The following TP53AIP1 variants were observed in gnomAD, a reference collection of about 807,000 sequenced individuals.
The protein encoded by TP53AIP1 is p53-regulated apoptosis-inducing protein 1.
TP53AIP1 carries 14 observed loss-of-function variants against 9.5 expected under a neutral mutation model. The ratio of observed to expected loss-of-function variants is 1.47; its 90% CI spans 0.97 to 2.30. TP53AIP1 has a LOEUF of 2.30. Among genes scored for constraint, TP53AIP1 ranks in the 30% most tolerant of loss-of-function variants. TP53AIP1 has a pLI of 0.00. For synonymous variants in TP53AIP1, 73 were observed against 61.2 expected, an observed-to-expected ratio of 1.19 and a Z score of -0.90; for missense variants, 153 against 146.7, an observed-to-expected ratio of 1.04 and a Z score of -0.22.
downstream of TP53AIP1, chr11:128,934,827 G>C: frequency 1.7e-6 from 1 of 584,820 alleles, no homozygotes; most frequent in Non-Finnish European, 3.1e-6. Context: ...AGCCAGTGCA[G>C]GTTGTGGCAT....
chr11:128,936,315 T>C lies in TP53AIP1; in HGVS notation c.253+223A>G. The C allele has an allele frequency of 3.7e-6, 5 of 1,336,964 alleles. No homozygotes were observed. In the South Asian group the frequency reaches 5.4e-5, roughly 14 times the overall value. The allele number at this position is 1,336,964 out of a possible 1,614,324, so 82.8% of individuals were successfully genotyped here. On this transcript the variant is annotated intron_variant, in intron 3 of 3. Coordinates refer to ENST00000531399, the MANE Select transcript of TP53AIP1 (RefSeq NM_022112.3). ...ATTAGCTTGGCTGTAGTGACCACTC[T>C]TAAGTGTACCGTTACCTTTTATTTT...
At chr11:128,935,045 C>G, downstream of TP53AIP1, 1 of 703,680 alleles carries the variant, frequency 1.4e-6, no homozygotes, top group African/African-American at 1.7e-5. Context: ...TCTTACTGCA[C>G]TGAAAAACAC....
intron 2 of TP53AIP1, 178 bp from the exon 3 acceptor site, chr11:128,936,827 A>C: frequency 7.0e-7 from 1 of 1,423,006 alleles, no homozygotes; most frequent in Non-Finnish European, 9.1e-7. Flanking sequence ...GGAGGAACAA[A>C]AGGCTCCTCA....
downstream of TP53AIP1, chr11:128,934,872 A>T: frequency 1.6e-6 from 1 of 624,798 alleles, no homozygotes; most frequent in Non-Finnish European, 2.9e-6. Context: ...CCCACTGGGG[A>T]TCCTCGGAAG....
Position 128,937,359 on chromosome 11 carries a change from T to G in TP53AIP1, c.141+319A>C. The G allele has an allele frequency of 7.0e-7, 1 of 1,423,672 alleles. No homozygotes were observed. Among genetic ancestry groups the G allele is most frequent in the Non-Finnish European group, 9.1e-7 (1 of 1,092,992 alleles). The allele number at this position is 1,423,672 out of a possible 1,614,324, so 88.2% of individuals were successfully genotyped here. ...TTCAGCCTCTCCATTTAGCTCTCAC[T>G]TTCTGGATGCAGCCAGGCACCACCT... On this transcript the variant is annotated intron_variant, in intron 2 of 3. Coordinates refer to ENST00000531399, the MANE Select transcript of TP53AIP1 (RefSeq NM_022112.3). The surrounding 1 kb of genome is among the most constrained non-coding windows in gnomAD (Gnocchi z 4.8).
In TP53AIP1 at chr11:128,935,711, G is replaced by T. The variant is rs895539463; in HGVS notation, c.255C>A (p.Gly85=). Residue 85 remains glycine (G), a splice_region_variant and synonymous_variant, in exon 4 of 4, where the codon GGC becomes GGA. Transcript: ENST00000531399. ...AAGGCCTGGAGAGACCTAGACCAAG[G>T]CCTCAGTAGGGAGGGAGAGAATTTA... ...WSSATVWILT[G]LGLGLSRPFL... is the part of the protein sequence containing the mutation. The T allele has an allele frequency of 3.2e-6, 5 of 1,567,504 alleles. No individual in the cohort carries two copies. In the Admixed American group the frequency reaches 5.5e-5, roughly 17 times the overall value.
At chr11:128,942,239 G>C (rs527812722) in intron 1 of TP53AIP1, among the ~76,000 whole-genome samples, 5 of 152,214 alleles carry the variant, frequency 3.3e-5, no homozygotes, top group African/African-American at 4.8e-5. Flanking sequence ...GGCTCCCACA[G>C]CTCGCGTCCT....
rs1022023189 is a variant in TP53AIP1, at chr11:128,939,315, G to T, written c.-76-1421C>A. Among the ~76,000 whole-genome samples, 5 of 152,230 alleles carry T rather than the reference G, an allele frequency of 3.3e-5. No individual in the cohort carries two copies. The highest frequency in any genetic ancestry group is 3.4e-3 in the Middle Eastern group (1 of 294). On this transcript the variant is annotated intron_variant, in intron 1 of 3. Transcript: ENST00000531399. This position sits in a 1 kb window ranked among gnomAD's most constrained non-coding sequence, Gnocchi z 4.1. ...GCAATGCAAAGCCACCCCCAGAAGA[G>T]CTGCCCAGGACAAGTGATCCTGCGG...
At chr11:128,935,318 T>C (rs1306971447), downstream of TP53AIP1, 2 of 1,418,562 alleles carry the variant, frequency 1.4e-6, no homozygotes, top group Non-Finnish European at 1.8e-6. Context: ...ATGCATCGTT[T>C]TTAGTTTTTA....
intron 1 of TP53AIP1, among the ~76,000 whole-genome samples, chr11:128,938,301 TCA>T (rs1168794850): frequency 1.3e-5 from 2 of 152,114 alleles, no homozygotes; most frequent in Admixed American, 1.3e-4. Flanking sequence ...GATCTCTATC[TCA>T]GAGGCCCGGC....
chr11:128,937,525 G>A lies in TP53AIP1; in HGVS notation c.141+153C>T, dbSNP rs752047876. 9 of 1,611,524 alleles carry A rather than the reference G, an allele frequency of 5.6e-6. No homozygotes were observed. In the South Asian group the frequency reaches 9.9e-5, roughly 18 times the overall value. On this transcript the variant is annotated intron_variant, in intron 2 of 3. Coordinates refer to ENST00000531399, the MANE Select transcript of TP53AIP1 (RefSeq NM_022112.3). The surrounding 1 kb of genome is among the most constrained non-coding windows in gnomAD (Gnocchi z 4.8). ...CAGCTCTGTCCAATGCTCTGAACTG[G>A]GGACAGTCCGCATGCAGCTCTGAGG...
At chr11:128,941,197 G>A (rs1225770239) in intron 1 of TP53AIP1, among the ~76,000 whole-genome samples, 2 of 152,162 alleles carry the variant, frequency 1.3e-5, no homozygotes, top group Non-Finnish European at 2.9e-5. Context: ...TCCCTCTGCC[G>A]AACAGCTCCT....
chr11:128,939,872 T>G lies in TP53AIP1; in HGVS notation c.-76-1978A>C, dbSNP rs746303940. The stretch of plus-strand genomic sequence containing the variant: ...GAAAGCAGCTTTGTTTTCCTTCTAT[T>G]TCCTGTTTGAAAAGTGAAGCGTTAA... On this transcript the variant is annotated intron_variant, in intron 1 of 3. Transcript: ENST00000531399. This position sits in a 1 kb window ranked among gnomAD's most constrained non-coding sequence, Gnocchi z 4.1. 6.6e-6 allele frequency among the ~76,000 whole-genome samples: 1 copy of G among 152,212 alleles called. No individual in the cohort carries two copies. Among genetic ancestry groups the G allele is most frequent in the Non-Finnish European group, 1.5e-5 (1 of 68,040 alleles).
downstream of TP53AIP1, chr11:128,935,300 T>C (rs111258764): frequency 1.4e-6 from 2 of 1,423,174 alleles, no homozygotes; most frequent in Non-Finnish European, 1.8e-6. Context: ...TTGCAGAGTT[T>C]TGTGGAGATG....
chr11:128,940,381 C>T (rs188978524), intron 1 of TP53AIP1, among the ~76,000 whole-genome samples: 15 of 152,268 alleles, frequency 9.9e-5, no homozygotes, highest in Admixed American at 4.6e-4. Flanking sequence ...GTGTTTCCCC[C>T]GCAAAATCCA....
chr11:128,940,382 G>A (rs533058452), intron 1 of TP53AIP1, among the ~76,000 whole-genome samples: 21 of 152,318 alleles, frequency 1.4e-4, no homozygotes, highest in South Asian at 6.2e-4. Context: ...TGTTTCCCCC[G>A]CAAAATCCAG....
In TP53AIP1 at chr11:128,937,880, C is replaced by A; in HGVS notation, c.-62G>T. ...GGCTTCTCCTCATTTGTTGTTAGGGCCAGTCCCTAAGGGACTAAAAACAAA... is the reference window on the plus strand; with the variant it reads ...GGCTTCTCCTCATTTGTTGTTAGGGACAGTCCCTAAGGGACTAAAAACAAA... On this transcript the variant is annotated 5_prime_UTR_variant, in exon 2 of 4. Coordinates refer to ENST00000531399, the MANE Select transcript of TP53AIP1 (RefSeq NM_022112.3). This position sits in a 1 kb window ranked among gnomAD's most constrained non-coding sequence, Gnocchi z 4.8. The A allele has an allele frequency of 6.5e-7, 1 of 1,529,552 alleles. No homozygotes were observed. Among genetic ancestry groups the A allele is most frequent in the Middle Eastern group, 1.8e-4 (1 of 5,618 alleles). 94.7% of individuals were successfully genotyped at this position (1,529,552 alleles called of 1,614,324 possible).
chr11:128,940,559 G>A (rs766023520), intron 1 of TP53AIP1, among the ~76,000 whole-genome samples: 30 of 152,206 alleles, frequency 2.0e-4, no homozygotes, highest in Non-Finnish European at 3.1e-4. Flanking sequence ...TCTGGAGGAC[G>A]CAGCAGCAAG....
chr11:128,940,196 G>T (rs1944914149), intron 1 of TP53AIP1, among the ~76,000 whole-genome samples: 1 of 152,228 alleles, frequency 6.6e-6, no homozygotes, highest in Non-Finnish European at 1.5e-5. Context: ...GAGGGCACAA[G>T]GGGCCAAGTT....
Sources: allele counts gnomAD v4.1 joint callset (sites outside exome capture counted in the v4.1 genomes callset), GRCh38; gene constraint gnomAD v4.1.1; non-coding constraint Gnocchi (gnomAD v3.1); transcripts MANE v1.5; gene names NCBI Gene and HGNC (gene_info 2026-07-23, HGNC 2026-07-21).